The following MAML3 variants were observed in gnomAD, a reference collection of about 807,000 sequenced individuals.
MAML3 encodes the protein mastermind-like protein 3.
A neutral mutation model predicts 101.9 loss-of-function variants in MAML3; 27 were observed. The ratio of observed to expected loss-of-function variants is 0.27; its 90% CI spans 0.20 to 0.37. MAML3 has a LOEUF of 0.37. MAML3 is among the 10% of genes least tolerant of loss of function. MAML3 has a pLI of 1.00. For synonymous variants in MAML3, 501 were observed against 555.9 expected (o/e 0.90, Z 1.39); for missense variants, 1,316 against 1,444.9 (o/e 0.91, Z 1.45).
chr4:139,959,515 T>A (rs1578617279), intron 1 of MAML3, among the ~76,000 whole-genome samples: 1 of 152,202 alleles, frequency 6.6e-6, no homozygotes, highest in East Asian at 1.9e-4. Flanking sequence ...TCAGGTGTGC[T>A]CATGGAATTA....
rs762103631 is a variant in MAML3 at position 139,719,924 on chromosome 4, G to C, written c.2816C>G (p.Ala939Gly). 3 of 1,613,952 alleles carry C rather than the reference G, an allele frequency of 1.9e-6. No homozygotes were observed. The Admixed American group carries it at 5.0e-5, about 27-fold the overall frequency. The change falls in exon 5 of 5, where the codon GCC (alanine) becomes GGC (glycine). Residue 939 changes from alanine (A) to glycine (G), a missense_variant. Coordinates refer to ENST00000509479, the MANE Select transcript of MAML3 (RefSeq NM_018717.5). The part of the protein sequence containing the change: ...HPQMKGPVGQ[A>G]LPRPQAPPRL... The stretch of plus-strand genomic sequence containing the variant: ...TGGAGGGGCTTGGGGCCTAGGCAAG[G>C]CCTGGCCTACTGGCCCTTTCATCTG...
chr4:139,912,492 C>T (rs537285839), intron 1 of MAML3, among the ~76,000 whole-genome samples: 1 of 152,208 alleles, frequency 6.6e-6, no homozygotes, highest in South Asian at 2.1e-4. Context: ...TAAATTGCGT[C>T]CTCCCCAGCA....
chr4:139,811,219 T>C (rs770152272), intron 2 of MAML3, among the ~76,000 whole-genome samples: 4 of 152,162 alleles, frequency 2.6e-5, no homozygotes, highest in Admixed American at 6.5e-5. Context: ...AACAAAGCAA[T>C]CTGAACTGAT....
At chr4:140,018,233 CA>C (rs1409052434) in intron 1 of MAML3, among the ~76,000 whole-genome samples, 14 of 152,172 alleles carry the variant, frequency 9.2e-5, no homozygotes, top group Admixed American at 2.6e-4. Context: ...TGTAACCGCA[CA>C]AAAGCCAAAC....
At chr4:139,927,149 C>A (rs763770606) in intron 1 of MAML3, among the ~76,000 whole-genome samples, 2 of 147,502 alleles carry the variant, frequency 1.4e-5, no homozygotes, top group African/African-American at 2.5e-5. Flanking sequence ...GTCTCGAACT[C>A]CTGACTTCAA....
intron 1 of MAML3, among the ~76,000 whole-genome samples, chr4:139,935,148 G>A (rs1733480240): frequency 6.7e-6 from 1 of 149,800 alleles, no homozygotes; most frequent in African/African-American, 2.5e-5. Flanking sequence ...ACAGAACACA[G>A]CCGACTTCTC....
At chr4:140,097,135 C>T (rs1399628387) in intron 1 of MAML3, among the ~76,000 whole-genome samples, 1 of 152,214 alleles carries the variant, frequency 6.6e-6, no homozygotes, top group Non-Finnish European at 1.5e-5. Flanking sequence ...GAAACACTAT[C>T]TGCCAGAAAA....
rs1578608557 is a variant in MAML3 at position 139,802,451 on chromosome 4, A to T, written c.2080-71784T>A. ...TTGCTGCCATGCCCGACTTCCTCTCATCACCTTACCTTTGGCTTACTGCTT... is the reference window on the plus strand; with the variant it reads ...TTGCTGCCATGCCCGACTTCCTCTCTTCACCTTACCTTTGGCTTACTGCTT... On this transcript the variant is annotated intron_variant, in intron 2 of 4. Transcript: ENST00000509479. 5.3e-5 allele frequency among the ~76,000 whole-genome samples: 8 copies of T among 152,238 alleles called. No homozygotes were observed. In the South Asian group the frequency reaches 1.7e-3, roughly 32 times the overall value.
At chr4:140,134,793 C>T (rs914253715) in intron 1 of MAML3, among the ~76,000 whole-genome samples, 2 of 152,164 alleles carry the variant, frequency 1.3e-5, no homozygotes, top group Admixed American at 1.3e-4. Context: ...TGGTGCTCTT[C>T]GATCAGAGTG....
chr4:139,899,979 C>T (rs987724973), intron 1 of MAML3, among the ~76,000 whole-genome samples: 1 of 152,138 alleles, frequency 6.6e-6, no homozygotes, highest in Non-Finnish European at 1.5e-5. Flanking sequence ...AAAGGATCCT[C>T]TTTAAAGGGG....
intron 1 of MAML3, among the ~76,000 whole-genome samples, chr4:139,982,076 T>G (rs1734454632): frequency 6.6e-6 from 1 of 152,176 alleles, no homozygotes; most frequent in Non-Finnish European, 1.5e-5. Context: ...GAAATTATAC[T>G]CCACTTCCTT....
chr4:139,946,170 T>C (rs960210560), intron 1 of MAML3, among the ~76,000 whole-genome samples: 3 of 152,224 alleles, frequency 2.0e-5, no homozygotes, highest in Admixed American at 2.0e-4. Context: ...TCAAGATATG[T>C]AACATTGGAA....
At chr4:139,749,526 G>A (rs1472846087) in intron 2 of MAML3, among the ~76,000 whole-genome samples, 1 of 152,150 alleles carries the variant, frequency 6.6e-6, no homozygotes, top group Non-Finnish European at 1.5e-5. Context: ...ATTTCCTTTG[G>A]CTTATGAGCT....
chr4:140,063,017 G>A (rs1727472619), intron 1 of MAML3, among the ~76,000 whole-genome samples: 2 of 152,184 alleles, frequency 1.3e-5, no homozygotes, highest in Middle Eastern at 3.4e-3. Flanking sequence ...CAGGCACTGT[G>A]CTAAACATTT....
At chr4:139,862,360 G>A (rs904568955) in intron 2 of MAML3, among the ~76,000 whole-genome samples, 1 of 151,922 alleles carries the variant, frequency 6.6e-6, no homozygotes, top group African/African-American at 2.4e-5. Context: ...AAACCACAGA[G>A]TTATCCACAG....
chr4:139,721,348 C>T (rs1337227530), intron 4 of MAML3, among the ~76,000 whole-genome samples: 2 of 152,130 alleles, frequency 1.3e-5, no homozygotes, highest in Non-Finnish European at 2.9e-5. Context: ...AGGAGGTACA[C>T]AAAAACGGAT....
At chr4:139,738,434 T>A (rs777217275) in intron 2 of MAML3, among the ~76,000 whole-genome samples, 1 of 152,104 alleles carries the variant, frequency 6.6e-6, no homozygotes, top group Non-Finnish European at 1.5e-5. Flanking sequence ...TCCCAGTTAC[T>A]CAGGAGGCTG....
rs1728285545 is a variant in MAML3, at chr4:140,103,525, A to C, written c.468+49335T>G. Among the ~76,000 whole-genome samples, 3 of 152,222 alleles carry C rather than the reference A, an allele frequency of 2.0e-5. No homozygotes were observed. In the South Asian group the frequency reaches 6.2e-4, roughly 31 times the overall value. ...GTGTGTGTTTGTTGTGCTTCTGAGA[A>C]AGGGCTGAGGTTCTTTTGTGCATTA... On this transcript the variant is annotated intron_variant, in intron 1 of 4. Coordinates refer to ENST00000509479, the MANE Select transcript of MAML3 (RefSeq NM_018717.5).
At chr4:140,041,214 A>T (rs1054318426) in intron 1 of MAML3, among the ~76,000 whole-genome samples, 9 of 152,144 alleles carry the variant, frequency 5.9e-5, no homozygotes, top group African/African-American at 2.2e-4. Context: ...GTCTTGAAGC[A>T]TCAACTTGAA....
Sources: allele counts gnomAD v4.1 joint callset (sites outside exome capture counted in the v4.1 genomes callset), GRCh38; gene constraint gnomAD v4.1.1; transcripts MANE v1.5; gene names NCBI Gene and HGNC (gene_info 2026-07-23, HGNC 2026-07-21).